Variants in CLSPN observed in about 807,000 individuals in gnomAD.
CLSPN encodes claspin.
A neutral mutation model predicts 156.3 loss-of-function variants in CLSPN; 85 were observed. The ratio of observed to expected loss-of-function variants is 0.54; its 90% CI spans 0.46 to 0.65. The LOEUF is 0.65. Among genes scored for constraint, CLSPN ranks in the 30% least tolerant of loss-of-function variants. The probability of loss-of-function intolerance (pLI) is 0.00; values close to 1 mark genes in which losing one functional copy is unlikely to be tolerated. For synonymous variants in CLSPN, 534 were observed against 542.4 expected (o/e 0.98, Z 0.22); for missense variants, 1,407 against 1,554.9 (o/e 0.90, Z 1.60).
At chr1:35,765,369 G>C in intron 1 of CLSPN, 43 bp from the exon 2 acceptor site, 1 of 1,356,984 alleles carries the variant, frequency 7.4e-7, no homozygotes, top group Non-Finnish European at 1.1e-6. Context: ...GCAGGTGACC[G>C]AAAGCTCCAA....
chr1:35,744,759 C>T (rs1023273121), intron 16 of CLSPN, among the ~76,000 whole-genome samples: 2 of 152,268 alleles, frequency 1.3e-5, no homozygotes, highest in Admixed American at 1.3e-4. Flanking sequence ...CCTGCTTTCA[C>T]TTTTTTGGGG....
In CLSPN at chr1:35,746,047, G is replaced by A. The variant is rs1226821785; in HGVS notation, c.2855-485C>T. ...TGCAACCTCCACCTCCGGGGTTCAA[G>A]CAGTTCTCCTGTCTCAGCCTCCCAA... On this transcript the variant is annotated intron_variant, in intron 15 of 24. Transcript: ENST00000318121. This position sits in a 1 kb window ranked among gnomAD's most constrained non-coding sequence, Gnocchi z 4.2. Among the ~76,000 whole-genome samples the A allele has an allele frequency of 2.0e-5, 3 of 152,024 alleles. No individual in the cohort carries two copies. Among genetic ancestry groups the A allele is most frequent in the African/African-American group, 7.2e-5 (3 of 41,382 alleles).
Position 35,765,236 on chromosome 1 carries a change from C to T in CLSPN, c.115G>A (p.Gly39Arg), listed in dbSNP as rs1210556356. 1 of 1,612,004 alleles carries T rather than the reference C, an allele frequency of 6.2e-7. No homozygotes were observed. Among genetic ancestry groups the T allele is most frequent in the African/African-American group, 1.3e-5 (1 of 74,876 alleles). The change falls in exon 2 of 25, where the codon GGA (glycine) becomes AGA (arginine). Residue 39 changes from glycine to arginine, a missense_variant. Physicochemically the swap from Gly to Arg is moderately radical, Grantham distance 125. Transcript: ENST00000318121. ...DSGQGSYETI[G>R]PLSEGDSDEE... ...TACAAACCTCCTTCACTCAAGGGTC[C>T]AATTGTTTCATAGCTGCCCTGTCCA... is the stretch of plus-strand genomic sequence containing the variant.
chr1:35,759,858 G>A (rs1642413024), intron 8 of CLSPN, among the ~76,000 whole-genome samples: 1 of 122,840 alleles, frequency 8.1e-6, no homozygotes, highest in African/African-American at 3.2e-5. Context: ...TTTTGAGACA[G>A]AGTCTCGCTC....
Position 35,732,597 on chromosome 1 carries a change from G to A in CLSPN, c.*3899C>T, listed in dbSNP as rs1641343787. On this transcript the variant is annotated 3_prime_UTR_variant, in exon 25 of 25. Transcript: ENST00000318121. ...TAATACCATGTATCCCTACTCAAGTGTATGGAACAAGGAAGAAACAAAAAC... is the reference window on the plus strand; with the variant it reads ...TAATACCATGTATCCCTACTCAAGTATATGGAACAAGGAAGAAACAAAAAC... 1.0e-6 allele frequency: 1 copy of A among 985,442 alleles called. No homozygotes were observed. The highest frequency in any genetic ancestry group is 1.2e-6 in the Non-Finnish European group (1 of 829,932). 61.0% of individuals were successfully genotyped at this position (985,442 alleles called of 1,614,324 possible).
chr1:35,746,014 C>T lies in CLSPN; in HGVS notation c.2855-452G>A, dbSNP rs769399059. ...AGGCTGGAGTGCAGTGGCACAATCT[C>T]GGCTCACTGCAACCTCCACCTCCGG... On this transcript the variant is annotated intron_variant, in intron 15 of 24. Transcript: ENST00000318121. This position sits in a 1 kb window ranked among gnomAD's most constrained non-coding sequence, Gnocchi z 4.2. 4.9e-4 allele frequency among the ~76,000 whole-genome samples: 75 copies of T among 151,850 alleles called. No individual in the cohort carries two copies. Among genetic ancestry groups the T allele is most frequent in the Non-Finnish European group, 8.1e-4 (55 of 67,974 alleles).
In CLSPN at chr1:35,746,037, C is replaced by T. The variant is rs74488034; in HGVS notation, c.2855-475G>A. 2.1e-4 allele frequency among the ~76,000 whole-genome samples: 32 copies of T among 152,170 alleles called. No individual in the cohort carries two copies. In the East Asian group the frequency reaches 5.8e-3, roughly 28 times the overall value. The stretch of plus-strand genomic sequence containing the variant: ...CTCGGCTCACTGCAACCTCCACCTC[C>T]GGGGTTCAAGCAGTTCTCCTGTCTC... On this transcript the variant is annotated intron_variant, in intron 15 of 24. Coordinates refer to ENST00000318121, the MANE Select transcript of CLSPN (RefSeq NM_022111.4). This position sits in a 1 kb window ranked among gnomAD's most constrained non-coding sequence, Gnocchi z 4.2.
Position 35,753,739 on chromosome 1 carries a change from A to C in CLSPN, c.1771+6T>G. On this transcript the variant is annotated splice_donor_region_variant and intron_variant, in intron 9 of 24. Transcript: ENST00000318121. Reference sequence around the variant, plus strand: ...AGCAAAAAACAAAACCTGTGGGCTCAAATACCTGGTTTTGTGTGGCTTGCT... The same window carrying C: ...AGCAAAAAACAAAACCTGTGGGCTCCAATACCTGGTTTTGTGTGGCTTGCT... 6.2e-7 allele frequency: 1 copy of C among 1,613,996 alleles called. No homozygotes were observed. Among genetic ancestry groups the C allele is most frequent in the Admixed American group, 1.7e-5 (1 of 59,950 alleles).
chr1:35,761,968 T>C, intron 6 of CLSPN, 30 bp downstream of exon 6: 3 of 1,520,572 alleles, frequency 2.0e-6, no homozygotes, highest in Non-Finnish European at 2.7e-6. Context: ...ATGTTGTGAT[T>C]TTGCCTCAAA....
intron 13 of CLSPN, 87 bp from the exon 14 acceptor site, chr1:35,748,148 A>G: frequency 1.4e-6 from 2 of 1,464,166 alleles, no homozygotes; most frequent in Admixed American, 2.0e-5. Context: ...GCTATTTGCA[A>G]TATTTAAGCT....
chr1:35,753,065 A>G (rs1642146066), intron 9 of CLSPN, among the ~76,000 whole-genome samples: 1 of 152,166 alleles, frequency 6.6e-6, no homozygotes, highest in Non-Finnish European at 1.5e-5. Flanking sequence ...AATGCATGTT[A>G]TGATCACATT....
chr1:35,729,532 C>A (rs1048178484), downstream of CLSPN, among the ~76,000 whole-genome samples: 6 of 152,168 alleles, frequency 3.9e-5, no homozygotes, highest in Admixed American at 1.3e-4. Context: ...GTGGATGGTA[C>A]AGACCAAGAC....
intron 16 of CLSPN, among the ~76,000 whole-genome samples, chr1:35,744,521 C>T (rs928017345): frequency 6.6e-6 from 1 of 152,136 alleles, no homozygotes; most frequent in Non-Finnish European, 1.5e-5. Context: ...GTCTCAAACT[C>T]CTGAGCTCAA....
Position 35,769,960 on chromosome 1 carries a change from G to T in CLSPN, c.-90C>A. 6.6e-7 allele frequency: 1 copy of T among 1,505,542 alleles called. No individual in the cohort carries two copies. The highest frequency in any genetic ancestry group is 9.1e-7 in the Non-Finnish European group (1 of 1,095,570). The allele number at this position is 1,505,542 out of a possible 1,614,324, so 93.3% of individuals were successfully genotyped here. On this transcript the variant is annotated 5_prime_UTR_variant, in exon 1 of 25. It adds an upstream start codon to the 5' untranslated region. Transcript: ENST00000318121. Reference sequence around the variant, plus strand: ...AGCGGCTCCCGCCGTCTCCAGCCCAGCAGTGCTGTTCTTGCTTTCCCGCCC... The same window carrying T: ...AGCGGCTCCCGCCGTCTCCAGCCCATCAGTGCTGTTCTTGCTTTCCCGCCC...
chr1:35,738,058 T>TTTC lies in CLSPN; in HGVS notation c.3595_3597dup (p.Glu1199dup), dbSNP rs200760879. 6 of 1,459,654 alleles carry TTTC rather than the reference T, an allele frequency of 4.1e-6. No homozygotes were observed. In the Admixed American group the frequency reaches 5.8e-5, roughly 14 times the overall value. 90.4% of individuals were successfully genotyped at this position (1,459,654 alleles called of 1,614,324 possible). A position where few individuals can be genotyped will look rare whatever the true frequency, so the allele number is the denominator to read the frequency against. On this transcript the variant is annotated inframe_insertion, in exon 22 of 25. Coordinates refer to ENST00000318121, the MANE Select transcript of CLSPN (RefSeq NM_022111.4). ...ATCATAAACTGACTGTCCTCCCCAA[T>TTTC]TTCTTCTTCTTCTTCAGCTGTAATT...
chr1:35,731,602 C>T (rs1367438539), downstream of CLSPN, among the ~76,000 whole-genome samples: 1 of 152,124 alleles, frequency 6.6e-6, no homozygotes, highest in Non-Finnish European at 1.5e-5. Flanking sequence ...CAGGAGGCTA[C>T]GGTAGGACCC....
intron 8 of CLSPN, among the ~76,000 whole-genome samples, chr1:35,758,805 T>TTC (rs568587217): frequency 3.1e-4 from 47 of 150,300 alleles, no homozygotes; most frequent in South Asian, 8.4e-4. Flanking sequence ...CTTTTTCTTT[T>TTC]TTTTTTTTTT....
At position 35,736,162 on chromosome 1, in the gene CLSPN, G is replaced by A. The variant is rs1331937063; in HGVS notation, c.*334C>T. ...GAACCTGGGAGGCAGAGATTGTGGT[G>A]AGCCGAGATCACGCCACTGCACTCC... On this transcript the variant is annotated 3_prime_UTR_variant, in exon 25 of 25. Coordinates refer to ENST00000318121, the MANE Select transcript of CLSPN (RefSeq NM_022111.4). 1 of 783,800 alleles carries A rather than the reference G, an allele frequency of 1.3e-6. No individual in the cohort carries two copies. Among genetic ancestry groups the A allele is most frequent in the Non-Finnish European group, 1.6e-6 (1 of 644,950 alleles). The allele number at this position is 783,800 out of a possible 1,614,324, so 48.6% of individuals were successfully genotyped here.
chr1:35,748,595 T>A lies in CLSPN; in HGVS notation c.2282A>T (p.Asp761Val). The A allele has an allele frequency of 6.2e-7, 1 of 1,613,706 alleles. No individual in the cohort carries two copies. Among genetic ancestry groups the A allele is most frequent in the Non-Finnish European group, 8.5e-7 (1 of 1,179,660 alleles). Residue 761 changes from aspartate (D) to valine (V), a missense_variant, in exon 13 of 25, where the codon GAT becomes GTT. By Grantham distance (152) the Asp-to-Val change is radical (BLOSUM62 -3). Coordinates refer to ENST00000318121, the MANE Select transcript of CLSPN (RefSeq NM_022111.4). Reference sequence around the variant, plus strand: ...CTCCTTTGTTAGCAATGAACATGAATCATCCTCATCTAAAGAAAGAGAAAC... The same window carrying A: ...CTCCTTTGTTAGCAATGAACATGAAACATCCTCATCTAAAGAAAGAGAAAC... ...GKQPSKLDED[D>V]SCSLLTKESS...
Sources: gnomAD v4.1 joint callset for allele counts (sites outside exome capture counted in the v4.1 genomes callset) on GRCh38, gnomAD v4.1.1 for gene constraint, Gnocchi (gnomAD v3.1) non-coding constraint, MANE v1.5 for transcripts, NCBI Gene and HGNC (gene_info 2026-07-23, HGNC 2026-07-21) for gene names.